EBF1: variants seen among roughly 807,000 people sequenced by gnomAD.
The protein encoded by EBF1 is EBF transcription factor 1, also known as transcription factor COE1.
A neutral mutation model predicts 68.4 loss-of-function variants in EBF1; 10 were observed. The ratio of observed to expected loss-of-function variants is 0.15; its 90% CI spans 0.09 to 0.25. The LOEUF (loss-of-function observed/expected upper bound fraction) is 0.25. Among genes scored for constraint, EBF1 ranks in the 10% least tolerant of loss-of-function variants. EBF1 has a pLI of 1.00. For synonymous variants in EBF1, 298 were observed against 299.8 expected (o/e 0.99, Z 0.06); for missense variants, 509 against 794.4 (o/e 0.64, Z 4.32).
chr5:158,871,645 A>G (rs1796890994), intron 6 of EBF1, among the ~76,000 whole-genome samples: 1 of 152,204 alleles, frequency 6.6e-6, no homozygotes, highest in Non-Finnish European at 1.5e-5. Flanking sequence ...CCATAGGTGG[A>G]AACAGGAATG....
chr5:158,734,598 T>C (rs1764789756), intron 10 of EBF1, among the ~76,000 whole-genome samples: 1 of 152,062 alleles, frequency 6.6e-6, no homozygotes, highest in African/African-American at 2.4e-5. Context: ...AAGAATGTAA[T>C]ATAAAGTTAA....
At chr5:159,040,711 A>C (rs1012202365) in intron 6 of EBF1, among the ~76,000 whole-genome samples, 8 of 152,366 alleles carry the variant, frequency 5.3e-5, no homozygotes, top group African/African-American at 1.7e-4. Context: ...AATATATTGC[A>C]CTGTAAAATG....
At chr5:158,827,077 A>AT (rs1441200854) in intron 7 of EBF1, among the ~76,000 whole-genome samples, 1 of 152,160 alleles carries the variant, frequency 6.6e-6, no homozygotes, top group Non-Finnish European at 1.5e-5. Flanking sequence ...GCTTAAATTA[A>AT]TTAAAGTGGC....
chr5:159,004,790 G>A (rs1383368480), intron 6 of EBF1, among the ~76,000 whole-genome samples: 1 of 152,174 alleles, frequency 6.6e-6, no homozygotes, highest in Non-Finnish European at 1.5e-5. Flanking sequence ...GGAAGGCTAA[G>A]AGTCTTGATA....
At chr5:158,903,445 G>A (rs1803881804) in intron 6 of EBF1, among the ~76,000 whole-genome samples, 1 of 152,092 alleles carries the variant, frequency 6.6e-6, no homozygotes, top group Admixed American at 6.5e-5. Context: ...CTTCTCCTAA[G>A]GGAAGTCCCT....
chr5:159,016,195 A>G (rs1036730353), intron 6 of EBF1, among the ~76,000 whole-genome samples: 1 of 152,210 alleles, frequency 6.6e-6, no homozygotes, highest in Non-Finnish European at 1.5e-5. Context: ...TCCATACAGA[A>G]CCTAGTCCCT....
At chr5:158,749,052 C>A (rs1768195325) in intron 10 of EBF1, among the ~76,000 whole-genome samples, 1 of 152,152 alleles carries the variant, frequency 6.6e-6, no homozygotes, top group South Asian at 2.1e-4. Flanking sequence ...CACAGCATGG[C>A]AATTCCCTGT....
chr5:159,098,906 G>A (rs1182877644), intron 1 of EBF1, among the ~76,000 whole-genome samples: 1 of 144,412 alleles, frequency 6.9e-6, no homozygotes, highest in Non-Finnish European at 1.5e-5. Flanking sequence ...AAAGAAAAAA[G>A]AAAGAAAAAG....
At chr5:158,975,740 TG>T (rs1261805395) in intron 6 of EBF1, among the ~76,000 whole-genome samples, 1 of 152,156 alleles carries the variant, frequency 6.6e-6, no homozygotes, top group African/African-American at 2.4e-5. Flanking sequence ...CATAAACAAC[TG>T]GGGGGTCAGA....
chr5:158,832,744 CAG>C (rs1787858673), intron 7 of EBF1, among the ~76,000 whole-genome samples: 1 of 152,114 alleles, frequency 6.6e-6, no homozygotes, highest in Middle Eastern at 3.2e-3. Context: ...CATACGGATC[CAG>C]AGATACCATG....
intron 9 of EBF1, among the ~76,000 whole-genome samples, chr5:158,778,344 C>T (rs745893105): frequency 1.3e-5 from 2 of 152,080 alleles, no homozygotes; most frequent in Non-Finnish European, 2.9e-5. Flanking sequence ...AAAAATCCAG[C>T]CCTGGTATTT....
chr5:158,855,942 T>G (rs1425008363), intron 6 of EBF1, among the ~76,000 whole-genome samples: 1 of 152,184 alleles, frequency 6.6e-6, no homozygotes, highest in Non-Finnish European at 1.5e-5. Flanking sequence ...CTCAGTTGAC[T>G]CCAGGCTAGA....
At chr5:158,823,061 C>CA in intron 8 of EBF1, 115 bp downstream of exon 8, 1 of 1,469,298 alleles carries the variant, frequency 6.8e-7, no homozygotes, top group Non-Finnish European at 9.4e-7. Flanking sequence ...CAATCTTATT[C>CA]AAAAAGACTT....
rs1764907104 is a variant in EBF1 at position 158,735,128 on chromosome 5, C to CA, written c.1037-3972dup. Among the ~76,000 whole-genome samples, 3 of 152,264 alleles carry CA rather than the reference C, an allele frequency of 2.0e-5. No homozygotes were observed. In the South Asian group the frequency reaches 6.2e-4, roughly 32 times the overall value. On this transcript the variant is annotated intron_variant, in intron 10 of 15. Transcript: ENST00000313708. ...AATGAACTGTTTAGTGTCACAACATCATAAGCCCTTTAAAACAAACTTTCC... is the reference window on the plus strand; with the variant it reads ...AATGAACTGTTTAGTGTCACAACATCAATAAGCCCTTTAAAACAAACTTTCC...
At chr5:158,837,061 G>A (rs1259995644) in intron 7 of EBF1, among the ~76,000 whole-genome samples, 7 of 152,220 alleles carry the variant, frequency 4.6e-5, no homozygotes, top group Non-Finnish European at 8.8e-5. Flanking sequence ...TCACCAGTAA[G>A]AGCTTGTCAG....
chr5:158,723,602 C>T (rs1762376716), intron 11 of EBF1, among the ~76,000 whole-genome samples: 1 of 151,968 alleles, frequency 6.6e-6, no homozygotes, highest in African/African-American at 2.4e-5. Context: ...GAGATATAAT[C>T]CTATTTTCAA....
At chr5:158,831,591 C>T (rs941737870) in intron 7 of EBF1, among the ~76,000 whole-genome samples, 3 of 152,028 alleles carry the variant, frequency 2.0e-5, no homozygotes, top group Non-Finnish European at 4.4e-5. Context: ...CTAGATGATT[C>T]CTAGGTGGGA....
chr5:158,978,624 C>T (rs1398707517), intron 6 of EBF1, among the ~76,000 whole-genome samples: 2 of 75,222 alleles, frequency 2.7e-5, no homozygotes, highest in East Asian at 2.0e-3. Context: ...ACAGTGACAT[C>T]ATTTTTTTTT....
At chr5:158,900,985 A>G (rs1460291944) in intron 6 of EBF1, among the ~76,000 whole-genome samples, 3 of 152,250 alleles carry the variant, frequency 2.0e-5, no homozygotes, top group Non-Finnish European at 4.4e-5. Flanking sequence ...AAGCAACCTT[A>G]CATATTACTC....
Sources: allele counts gnomAD v4.1 joint callset (sites outside exome capture counted in the v4.1 genomes callset), GRCh38; gene constraint gnomAD v4.1.1; transcripts MANE v1.5; gene names NCBI Gene and HGNC (gene_info 2026-07-23, HGNC 2026-07-21).